CHMP3: variants seen among roughly 807,000 people sequenced by gnomAD.
CHMP3 encodes 25.1 protein.
CHMP3 carries 8 observed loss-of-function variants against 27.4 expected under a neutral mutation model. The ratio of observed to expected loss-of-function variants is 0.29; its 90% confidence interval spans 0.17 to 0.53. The LOEUF (loss-of-function observed/expected upper bound fraction) is 0.53. Among genes scored for constraint, CHMP3 ranks in the 20% least tolerant of loss-of-function variants. CHMP3 has a pLI of 0.96. For missense variants in CHMP3, 208 were observed against 271.5 expected (o/e 0.77, Z 1.64); for synonymous variants, 86 against 85.5 (o/e 1.01, Z -0.03).
intron 2 of CHMP3, among the ~76,000 whole-genome samples, chr2:86,533,499 C>G (rs1676004432): frequency 6.6e-6 from 1 of 151,888 alleles, no homozygotes; most frequent in Non-Finnish European, 1.5e-5. Flanking sequence ...AGCCAGGTTG[C>G]TCATCTGAGA....
intron 1 of CHMP3, among the ~76,000 whole-genome samples, chr2:86,543,303 T>C (rs142914843): frequency 7.8e-4 from 119 of 152,362 alleles, no homozygotes; most frequent in African/African-American, 2.4e-3. Context: ...AAATATTTAT[T>C]ATGCAACAAC....
chr2:86,537,170 T>C (rs2103970335), intron 2 of CHMP3, among the ~76,000 whole-genome samples: 1 of 152,302 alleles, frequency 6.6e-6, no homozygotes, highest in African/African-American at 2.4e-5. Flanking sequence ...CAGTCTCTTT[T>C]TTTTCTTTCT....
At chr2:86,534,683 T>C (rs146126274) in intron 2 of CHMP3, among the ~76,000 whole-genome samples, 1,985 of 152,336 alleles carry the variant, frequency 0.013, 19 homozygotes, top group Non-Finnish European at 0.018. Context: ...ATTATCTTCT[T>C]GCTGTATTTA....
At chr2:86,516,782 A>T (rs939495179) in intron 3 of CHMP3, among the ~76,000 whole-genome samples, 15 of 152,262 alleles carry the variant, frequency 9.9e-5, no homozygotes, top group Non-Finnish European at 1.5e-5. Context: ...AAGAAGTTAC[A>T]TAACTACATA....
intron 1 of CHMP3, among the ~76,000 whole-genome samples, chr2:86,551,975 A>AACC (rs1460849050): frequency 6.6e-6 from 1 of 152,264 alleles, no homozygotes; most frequent in Non-Finnish European, 1.5e-5. Context: ...CGCTAAAAGA[A>AACC]ACCACTGCAT....
intron 2 of CHMP3, among the ~76,000 whole-genome samples, chr2:86,534,516 T>C (rs924363961): frequency 6.6e-6 from 1 of 152,126 alleles, no homozygotes; most frequent in African/African-American, 2.4e-5. Flanking sequence ...AAGTCCCCTG[T>C]TTTCCTACCT....
At chr2:86,545,954 A>G (rs1435733817) in intron 1 of CHMP3, among the ~76,000 whole-genome samples, 2 of 152,038 alleles carry the variant, frequency 1.3e-5, no homozygotes, top group Admixed American at 6.5e-5. Flanking sequence ...CACTTCCTAG[A>G]CGGGGTGGTG....
intron 1 of CHMP3, among the ~76,000 whole-genome samples, chr2:86,547,901 A>G (rs2104006040): frequency 6.6e-6 from 1 of 152,374 alleles, no homozygotes; most frequent in South Asian, 2.1e-4. Flanking sequence ...AGAGTTTCAC[A>G]CTACCAAAAT....
Position 86,507,575 on chromosome 2 carries a change from TCTC to T in CHMP3, c.424_426del (p.Glu142del), listed in dbSNP as rs754584932. 15 of 1,614,132 alleles carry T rather than the reference TCTC, an allele frequency of 9.3e-6. No homozygotes were observed. Among genetic ancestry groups the T allele is most frequent in the Non-Finnish European group, 8.5e-7 (1 of 1,179,996 alleles). The stretch of plus-strand genomic sequence containing the variant: ...ATGCTTTCAAAAGTGTCCTCTAACA[TCTC>T]CTCTATGATCCCAGCCTAAACAGAA... On this transcript the variant is annotated inframe_deletion, in exon 5 of 6. Coordinates refer to ENST00000263856, the MANE Select transcript of CHMP3 (RefSeq NM_016079.4).
At chr2:86,536,199 C>T (rs573118245) in intron 2 of CHMP3, among the ~76,000 whole-genome samples, 7 of 151,218 alleles carry the variant, frequency 4.6e-5, no homozygotes, top group South Asian at 4.2e-4. Context: ...GGGGTTTCAC[C>T]GTTTTAGCCG....
At chr2:86,553,273 T>A (rs1277125525) in intron 1 of CHMP3, among the ~76,000 whole-genome samples, 1 of 151,034 alleles carries the variant, frequency 6.6e-6, no homozygotes, top group Non-Finnish European at 1.5e-5. Flanking sequence ...ACAAAACAAA[T>A]GCTCTATTTT....
In CHMP3 at chr2:86,505,350, T is replaced by G. The variant is rs775064896; in HGVS notation, c.*454A>C. The G allele has an allele frequency of 6.5e-6, 1 of 152,774 alleles. No individual in the cohort carries two copies. The highest frequency in any genetic ancestry group is 1.5e-5 in the Non-Finnish European group (1 of 68,438). The allele number at this position is 152,774 out of a possible 1,614,324, so 9.5% of individuals were successfully genotyped here. A position where few individuals can be genotyped will look rare whatever the true frequency, so the allele number is the denominator to read the frequency against. On this transcript the variant is annotated 3_prime_UTR_variant, in exon 6 of 6. Transcript: ENST00000263856. ...GCTGAGCTTCCAAATCCCATATGCC[T>G]GGCCATAGCAACTCTTTCCACACCC...
chr2:86,515,352 T>G (rs1342284193), intron 3 of CHMP3: 1 of 152,382 alleles, frequency 6.6e-6, no homozygotes, highest in Non-Finnish European at 1.5e-5. Context: ...TGAGACAGTC[T>G]CGCTCTGTTG....
intron 2 of CHMP3, among the ~76,000 whole-genome samples, chr2:86,532,484 G>A (rs1341197599): frequency 1.3e-5 from 2 of 152,066 alleles, no homozygotes; most frequent in African/African-American, 4.8e-5. Context: ...AAAGAGAAGT[G>A]GCAAAAGTGG....
intron 2 of CHMP3, among the ~76,000 whole-genome samples, chr2:86,539,990 G>A (rs1362493236): frequency 6.6e-6 from 1 of 151,920 alleles, no homozygotes; most frequent in Non-Finnish European, 1.5e-5. Context: ...GATAACATAG[G>A]GTTGTTTTGT....
chr2:86,545,363 G>A (rs1342405232), intron 1 of CHMP3, among the ~76,000 whole-genome samples: 2 of 122,972 alleles, frequency 1.6e-5, no homozygotes, highest in Non-Finnish European at 3.4e-5. Flanking sequence ...GGGCAGAGGC[G>A]CTCCTCACCT....
intron 2 of CHMP3, among the ~76,000 whole-genome samples, chr2:86,531,263 C>T (rs1675907791): frequency 6.6e-6 from 1 of 152,142 alleles, no homozygotes; most frequent in South Asian, 2.1e-4. Flanking sequence ...CCCACCACAG[C>T]CTCCCAAAGT....
In CHMP3 at chr2:86,504,436, T is replaced by G. The variant is rs1471718327; in HGVS notation, c.*1368A>C. On this transcript the variant is annotated 3_prime_UTR_variant, in exon 6 of 6. Coordinates refer to ENST00000263856, the MANE Select transcript of CHMP3 (RefSeq NM_016079.4). The stretch of plus-strand genomic sequence containing the variant: ...AAAAAAATAATTATTTAAAATAATT[T>G]TTTAACTACACTCTGAAGATGAAAT... The G allele has an allele frequency of 1.3e-5, 2 of 151,976 alleles. No individual in the cohort carries two copies. Among genetic ancestry groups the G allele is most frequent in the East Asian group, 1.9e-4 (1 of 5,204 alleles). 9.4% of individuals were successfully genotyped at this position (151,976 alleles called of 1,614,324 possible).
At chr2:86,521,350 G>C (rs1675516636) in intron 3 of CHMP3, among the ~76,000 whole-genome samples, 2 of 152,126 alleles carry the variant, frequency 1.3e-5, no homozygotes, top group African/African-American at 4.8e-5. Flanking sequence ...TCCCACGATA[G>C]CTCAGCACTC....
Sources: allele counts gnomAD v4.1 joint callset (sites outside exome capture counted in the v4.1 genomes callset), GRCh38; gene constraint gnomAD v4.1.1; transcripts MANE v1.5; gene names NCBI Gene and HGNC (gene_info 2026-07-23, HGNC 2026-07-21).